Variants in GNE observed in about 807,000 individuals in gnomAD.
The protein encoded by GNE is glucosamine (UDP-N-acetyl)-2-epimerase/N-acetylmannosamine kinase, also known as bifunctional UDP-N-acetylglucosamine 2-epimerase/N-acetylmannosamine kinase.
GNE carries 41 observed loss-of-function variants against 61.8 expected under a neutral mutation model. The observed-to-expected ratio is 0.66, with a 90% CI of 0.52 to 0.86. The LOEUF (loss-of-function observed/expected upper bound fraction) is 0.86, where lower values mean the gene tolerates loss of function less well. GNE is among the 40% of genes least tolerant of loss of function. The probability of loss-of-function intolerance (pLI) is 0.00; values close to 1 mark genes in which losing one functional copy is unlikely to be tolerated. For synonymous variants in GNE, 264 were observed against 326.4 expected (o/e 0.81, Z 2.06); for missense variants, 608 against 909.1 (o/e 0.67, Z 4.26).
intron 8 of GNE, among the ~76,000 whole-genome samples, 176 bp from the exon 9 acceptor site, chr9:36,223,174 G>T (rs1263858116): frequency 1.3e-5 from 2 of 152,212 alleles, no homozygotes; most frequent in East Asian, 1.9e-4. Context: ...GCACCTTAAA[G>T]ATTTCTAGAA....
At position 36,266,891 on chromosome 9, in the gene GNE, T is replaced by C. The variant is rs375144492; in HGVS notation, c.51+10003A>G. On this transcript the variant is annotated intron_variant, in intron 1 of 11. Transcript: ENST00000396594. Reference sequence around the variant, plus strand: ...GCCAGCCTGGGTGACAAAGTAAGACTCCGTCTCAAAAAAAAAAAATACAAA... The same window carrying C: ...GCCAGCCTGGGTGACAAAGTAAGACCCCGTCTCAAAAAAAAAAAATACAAA... 5.7e-3 allele frequency among the ~76,000 whole-genome samples: 803 copies of C among 141,966 alleles called. 9 individuals are homozygous for C. Among genetic ancestry groups the C allele is most frequent in the African/African-American group, 0.02 (735 of 37,590 alleles). The allele number at this position is 141,966 out of a possible 152,430, so 93.1% of individuals were successfully genotyped here. A position where few individuals can be genotyped will look rare whatever the true frequency, so the allele number is the denominator to read the frequency against.
At chr9:36,271,238 TC>T (rs1158639491) in intron 1 of GNE, among the ~76,000 whole-genome samples, 1 of 152,192 alleles carries the variant, frequency 6.6e-6, no homozygotes, top group Admixed American at 6.5e-5. Flanking sequence ...AGAAGGCTCT[TC>T]CTTGTCTGCT....
intron 1 of GNE, among the ~76,000 whole-genome samples, chr9:36,257,995 G>T (rs10814362): frequency 0.75 from 113,942 of 151,354 alleles, 43,372 homozygotes; most frequent in Non-Finnish European, 0.8. Context: ...GCCCCGCCCC[G>T]CTCCTAACGG....
At chr9:36,253,513 C>T (rs975717374) in intron 1 of GNE, among the ~76,000 whole-genome samples, 2 of 151,380 alleles carry the variant, frequency 1.3e-5, no homozygotes, top group Admixed American at 6.6e-5. Flanking sequence ...CCTGACCTCA[C>T]ATGATCCACC....
At chr9:36,225,287 G>T (rs1221689110) in intron 7 of GNE, among the ~76,000 whole-genome samples, 1 of 152,018 alleles carries the variant, frequency 6.6e-6, no homozygotes, top group Non-Finnish European at 1.5e-5. Flanking sequence ...TTTGTTATTA[G>T]TGGATTTTTA....
At position 36,236,861 on chromosome 9, in the gene GNE, G is replaced by C; in HGVS notation, c.740C>G (p.Thr247Ser). The C allele has an allele frequency of 1.9e-6, 3 of 1,613,742 alleles. No homozygotes were observed. Among genetic ancestry groups the C allele is most frequent in the Non-Finnish European group, 2.5e-6 (3 of 1,179,708 alleles). ...GTCAATATTTGGAAACAGGACTAGG[G>C]TCCGCTTGTTAAATGAGATAAGTGC... is the stretch of plus-strand genomic sequence containing the variant. Reference protein sequence around the residue: ...LDALISFNKRTLVLFPNIDAG... With the variant: ...LDALISFNKRSLVLFPNIDAG... Residue 247 changes from threonine (T) to serine (S), a missense_variant, in exon 4 of 12, where the codon ACC becomes AGC. By Grantham distance (58) the Thr-to-Ser change is moderately conservative. Coordinates refer to ENST00000642385, the MANE Select transcript of GNE (RefSeq NM_005476.7).
chr9:36,247,279 T>TC (rs1456909585), intron 2 of GNE, among the ~76,000 whole-genome samples: 1 of 151,922 alleles, frequency 6.6e-6, no homozygotes, highest in Non-Finnish European at 1.5e-5. Flanking sequence ...ATGGTCTCAA[T>TC]CTCTTGACCT....
chr9:36,272,553 G>C (rs899610395), intron 1 of GNE, among the ~76,000 whole-genome samples: 1 of 149,284 alleles, frequency 6.7e-6, no homozygotes. Context: ...CCCGGGAGGC[G>C]GAGCTTGCAG....
Position 36,217,510 on chromosome 9 carries a change from TAGTG to T in GNE, c.2020_2023del (p.His674IlefsTer76). ...AATGACGTCTTTGACAATGTGGATA[TAGTG>T]ACTGGCCAGGACTCCGGAGAGGATC... On this transcript the variant is annotated frameshift_variant, in exon 12 of 12. Coordinates refer to ENST00000642385, the MANE Select transcript of GNE (RefSeq NM_005476.7). LOFTEE classifies it high-confidence loss of function. The T allele has an allele frequency of 6.2e-7, 1 of 1,614,010 alleles. No individual in the cohort carries two copies.
chr9:36,268,856 G>A (rs541075892), intron 1 of GNE, among the ~76,000 whole-genome samples: 4 of 152,280 alleles, frequency 2.6e-5, no homozygotes, highest in South Asian at 2.1e-4. Flanking sequence ...CAGGCCGGGC[G>A]TGGTGGCTCA....
intron 2 of GNE, among the ~76,000 whole-genome samples, chr9:36,247,200 G>A (rs1829920461): frequency 6.6e-6 from 1 of 152,046 alleles, no homozygotes; most frequent in Admixed American, 6.6e-5. Flanking sequence ...GGGACTACAG[G>A]CGTGTGCCAT....
At chr9:36,251,286 C>T (rs1007679253) in intron 1 of GNE, among the ~76,000 whole-genome samples, 32 of 152,182 alleles carry the variant, frequency 2.1e-4, no homozygotes, top group African/African-American at 7.2e-4. Flanking sequence ...TTATGGCCCT[C>T]CCATTCACAG....
intron 3 of GNE, among the ~76,000 whole-genome samples, chr9:36,239,938 G>A (rs947323527): frequency 2.0e-5 from 3 of 151,666 alleles, no homozygotes; most frequent in Non-Finnish European, 2.9e-5. Context: ...TGTAATAGGG[G>A]TTGAGTTCTT....
chr9:36,255,417 G>C lies in GNE; in HGVS notation c.-43+2904C>G, dbSNP rs974679897. 1.6e-4 allele frequency among the ~76,000 whole-genome samples: 24 copies of C among 152,156 alleles called. 1 individual carries two copies. Among genetic ancestry groups the C allele is most frequent in the Middle Eastern group, 6.8e-3 (2 of 292 alleles). On this transcript the variant is annotated intron_variant, in intron 1 of 11. Transcript: ENST00000642385. ...TTGAGACGCGGTTTCAACTAAACCA[G>C]GCTGTTCTCGAACTCTTGACCTCAA...
At chr9:36,270,508 ATTTC>A (rs1328356746) in intron 1 of GNE, among the ~76,000 whole-genome samples, 1 of 144,224 alleles carries the variant, frequency 6.9e-6, no homozygotes, top group Non-Finnish European at 1.5e-5. Context: ...AGACAGGAGG[ATTTC>A]TTTCTTTTTT....
chr9:36,233,598 C>T (rs571031770), intron 5 of GNE, among the ~76,000 whole-genome samples: 46 of 151,564 alleles, frequency 3.0e-4, no homozygotes, highest in African/African-American at 1.1e-3. Flanking sequence ...ACCTGGGAGG[C>T]GGAGCTTGCA....
chr9:36,264,725 G>C (rs1025783081), intron 1 of GNE, among the ~76,000 whole-genome samples: 8 of 152,142 alleles, frequency 5.3e-5, no homozygotes, highest in Non-Finnish European at 7.3e-5. Context: ...TTGCAACTTA[G>C]CTCACACCCG....
intron 1 of GNE, among the ~76,000 whole-genome samples, chr9:36,252,829 C>T (rs1167158569): frequency 9.9e-5 from 1 of 10,088 alleles, no homozygotes; most frequent in Non-Finnish European, 3.8e-4. Context: ...TCCCTGGAAG[C>T]AGTTACTGGT....
chr9:36,230,742 T>A (rs1008615888), intron 5 of GNE, among the ~76,000 whole-genome samples: 1 of 151,198 alleles, frequency 6.6e-6, no homozygotes, highest in Non-Finnish European at 1.5e-5. Flanking sequence ...TCACTGCAAG[T>A]TCCGCCTCCT....
Sources: gnomAD v4.1 joint callset for allele counts (sites outside exome capture counted in the v4.1 genomes callset) on GRCh38, gnomAD v4.1.1 for gene constraint, MANE v1.5 for transcripts, NCBI Gene and HGNC (gene_info 2026-07-23, HGNC 2026-07-21) for gene names.